The following CNBD1 variants were observed in gnomAD, a reference collection of about 807,000 sequenced individuals.
CNBD1 encodes cyclic nucleotide binding domain containing 1.
In CNBD1, 71 loss-of-function variants were observed where a neutral mutation model predicts 54.4. The observed-to-expected ratio is 1.30, with a 90% confidence interval of 1.08 to 1.59. The LOEUF (loss-of-function observed/expected upper bound fraction) is 1.59. CNBD1 is among the 40% of genes most tolerant of loss of function. CNBD1 has a pLI of 0.00. For synonymous variants in CNBD1, 182 were observed against 170.7 expected, an observed-to-expected ratio of 1.07 and a Z score of -0.51; for missense variants, 659 against 518.0, an observed-to-expected ratio of 1.27 and a Z score of -2.64.
rs563525069 is a variant in CNBD1 at position 86,939,753 on chromosome 8, T to C, written c.430T>C (p.Leu144=). 6 of 1,512,278 alleles carry C rather than the reference T, an allele frequency of 4.0e-6. No homozygotes were observed. The highest frequency in any genetic ancestry group is 2.3e-5 in the East Asian group (1 of 43,404). The allele number at this position is 1,512,278 out of a possible 1,614,324, so 93.7% of individuals were successfully genotyped here. The change falls in exon 4 of 11, where the codon TTG becomes CTG. Residue 144 remains leucine (L), a splice_region_variant and synonymous_variant. Coordinates refer to ENST00000518476, the MANE Select transcript of CNBD1 (RefSeq NM_173538.3). ...FEEFLAILKK[L]PIHRTPYEHK... ...AGAATTCCTAGCTATCTTAAAGAAA[T>C]TGTAAGTATTTAAAATATATTCCTT...
chr8:87,006,096 C>T (rs773199253), intron 4 of CNBD1, among the ~76,000 whole-genome samples: 1 of 152,134 alleles, frequency 6.6e-6, no homozygotes, highest in Non-Finnish European at 1.5e-5. Flanking sequence ...ATTCTACAGG[C>T]ACCATTTTGG....
intron 10 of CNBD1, among the ~76,000 whole-genome samples, chr8:87,362,613 A>G (rs1241894358): frequency 1.3e-5 from 2 of 152,082 alleles, no homozygotes; most frequent in Admixed American, 6.6e-5. Context: ...ATGGCCATTA[A>G]GAGGAATTTA....
At chr8:86,929,852 G>A (rs4308752) in intron 3 of CNBD1, among the ~76,000 whole-genome samples, 72,581 of 151,928 alleles carry the variant, frequency 0.48, 18,333 homozygotes, top group South Asian at 0.6. Context: ...GAGGCCAGCC[G>A]TTTGCTACTA....
At chr8:86,933,443 T>C (rs2061165030) in intron 3 of CNBD1, among the ~76,000 whole-genome samples, 3 of 152,242 alleles carry the variant, frequency 2.0e-5, no homozygotes, top group African/African-American at 7.2e-5. Context: ...AAATCTCATG[T>C]ACACAATGTT....
chr8:87,024,338 A>G lies in CNBD1; in HGVS notation c.431+84584A>G, dbSNP rs551496708. On this transcript the variant is annotated intron_variant, in intron 4 of 10. Coordinates refer to ENST00000518476, the MANE Select transcript of CNBD1 (RefSeq NM_173538.3). ...TTATTTTATTTTATTTATTTTTATA[A>G]TTTATTTTATTTATCTTTTGAGAGG... 1.2e-4 allele frequency among the ~76,000 whole-genome samples: 18 copies of G among 151,046 alleles called. No individual in the cohort carries two copies. The South Asian group carries it at 3.6e-3, about 30-fold the overall frequency.
rs1187099060 is a variant in CNBD1, at chr8:87,132,785, A to G, written c.432-73208A>G. On this transcript the variant is annotated intron_variant, in intron 4 of 10. Transcript: ENST00000518476. ...GAAATATATATATCATTCAATTTGC[A>G]TATATATATGTGTATATATATACAT... Among the ~76,000 whole-genome samples, 4 of 135,166 alleles carry G rather than the reference A, an allele frequency of 3.0e-5. No homozygotes were observed. The East Asian group carries it at 7.8e-4, about 26-fold the overall frequency. 88.7% of individuals were successfully genotyped at this position (135,166 alleles called of 152,430 possible).
rs1479087009 is a variant in CNBD1, at chr8:87,322,249, T to G, written c.1043-29436T>G. On this transcript the variant is annotated intron_variant, in intron 8 of 10. Coordinates refer to ENST00000518476, the MANE Select transcript of CNBD1 (RefSeq NM_173538.3). ...TCCAAGTCTTTGCTATTGTGAATAA[T>G]GCCGCAATAAACATACGTGTGCATG... Among the ~76,000 whole-genome samples, 6 of 123,952 alleles carry G rather than the reference T, an allele frequency of 4.8e-5. 1 individual carries two copies. The South Asian group carries it at 9.4e-4, about 19-fold the overall frequency. The allele number at this position is 123,952 out of a possible 152,430, so 81.3% of individuals were successfully genotyped here. A position where few individuals can be genotyped will look rare whatever the true frequency, so the allele number is the denominator to read the frequency against.
At chr8:87,176,401 T>C (rs1463944547) in intron 4 of CNBD1, among the ~76,000 whole-genome samples, 1 of 152,198 alleles carries the variant, frequency 6.6e-6, no homozygotes, top group Non-Finnish European at 1.5e-5. Context: ...CCAAGGAATA[T>C]GTCAGTTGTT....
chr8:87,102,930 G>A (rs2974277), intron 4 of CNBD1, among the ~76,000 whole-genome samples: 25,513 of 152,008 alleles, frequency 0.17, 2,271 homozygotes, highest in Middle Eastern at 0.21. Flanking sequence ...CTTGTTAAAT[G>A]ATAAAAGAGA....
intron 2 of CNBD1, among the ~76,000 whole-genome samples, chr8:86,899,782 A>G (rs1253825220): frequency 3.9e-5 from 6 of 152,160 alleles, no homozygotes; most frequent in Admixed American, 2.0e-4. Flanking sequence ...AAATTCTTCA[A>G]CAGAGAATTT....
chr8:87,251,457 C>T (rs150442783), intron 6 of CNBD1, among the ~76,000 whole-genome samples: 3,554 of 151,770 alleles, frequency 0.023, 142 homozygotes, highest in African/African-American at 0.082. Context: ...GCATGGTGGC[C>T]GGCACCTGTA....
chr8:87,401,265 A>G (rs78034331), intron 2 of CNBD1, among the ~76,000 whole-genome samples: 3 of 152,190 alleles, frequency 2.0e-5, no homozygotes, highest in African/African-American at 7.2e-5. Flanking sequence ...AACCTGAGAT[A>G]TTTAATTCCT....
chr8:87,117,863 T>C (rs1339015189), intron 4 of CNBD1, among the ~76,000 whole-genome samples: 1 of 152,164 alleles, frequency 6.6e-6, no homozygotes, highest in Non-Finnish European at 1.5e-5. Flanking sequence ...ATTCTATTTA[T>C]TTAAAAATAT....
At chr8:87,328,627 CT>C (rs1318690632) in intron 8 of CNBD1, among the ~76,000 whole-genome samples, 1 of 151,874 alleles carries the variant, frequency 6.6e-6, no homozygotes, top group African/African-American at 2.4e-5. Context: ...ATTATTTTGT[CT>C]GTTTATCTAT....
intron 4 of CNBD1, among the ~76,000 whole-genome samples, chr8:87,104,861 A>G (rs985996611): frequency 6.6e-6 from 1 of 152,240 alleles, no homozygotes. Context: ...AGAAATCATT[A>G]TGAATTGTAT....
At chr8:87,184,676 A>G (rs1489298592) in intron 4 of CNBD1, among the ~76,000 whole-genome samples, 1 of 152,132 alleles carries the variant, frequency 6.6e-6, no homozygotes, top group Non-Finnish European at 1.5e-5. Flanking sequence ...GGGGCCAGGA[A>G]GGAGTCTGGT....
At chr8:87,335,658 A>G (rs780945474) in intron 8 of CNBD1, among the ~76,000 whole-genome samples, 1 of 151,996 alleles carries the variant, frequency 6.6e-6, no homozygotes, top group Non-Finnish European at 1.5e-5. Context: ...CTCTTTATCC[A>G]ATTTGTCAGT....
chr8:87,080,981 A>ATT (rs138772305), intron 4 of CNBD1, among the ~76,000 whole-genome samples: 4 of 147,120 alleles, frequency 2.7e-5, no homozygotes, highest in Non-Finnish European at 3.0e-5. Context: ...TCTTTCACCC[A>ATT]TTTTTTTTTG....
At chr8:87,393,445 T>C (rs915711229) in intron 2 of CNBD1, among the ~76,000 whole-genome samples, 2 of 151,938 alleles carry the variant, frequency 1.3e-5, no homozygotes, top group Non-Finnish European at 2.9e-5. Context: ...TTATTATTAG[T>C]CATTGCATTT....
Sources: allele counts gnomAD v4.1 joint callset (sites outside exome capture counted in the v4.1 genomes callset), GRCh38; gene constraint gnomAD v4.1.1; transcripts MANE v1.5; gene names NCBI Gene and HGNC (gene_info 2026-07-23, HGNC 2026-07-21).